ADARB2: variants seen among roughly 807,000 people sequenced by gnomAD.
The protein encoded by ADARB2 is adenosine deaminase RNA specific B2 (inactive).
In ADARB2, 25 loss-of-function variants were observed where a neutral mutation model predicts 62.2. The observed-to-expected ratio is 0.40, with a 90% confidence interval of 0.29 to 0.56. The LOEUF is 0.56. Among genes scored for constraint, ADARB2 ranks in the 20% least tolerant of loss-of-function variants. The pLI is 0.43. For synonymous variants in ADARB2, 572 were observed against 500.8 expected (o/e 1.14, Z -1.90); for missense variants, 1,071 against 1,077.4 (o/e 0.99, Z 0.08).
In ADARB2 at chr10:1,217,022, T is replaced by G; in HGVS notation, c.1611A>C (p.Ala537=). 1 of 1,611,980 alleles carries G rather than the reference T, an allele frequency of 6.2e-7. No individual in the cohort carries two copies. The highest frequency in any genetic ancestry group is 8.5e-7 in the Non-Finnish European group (1 of 1,179,688). Residue 537 remains alanine (A), a synonymous_variant, in exon 7 of 10, where the codon GCA becomes GCC. Coordinates refer to ENST00000381312, the MANE Select transcript of ADARB2 (RefSeq NM_018702.4). The stretch of plus-strand genomic sequence containing the variant: ...GCAGGACGCCGTCCCAGGTCTGCAC[T>G]GCGCTGGGGCCACGCACGGGGACCG... The part of the protein sequence containing the change: ...EGTVPVRGPS[A]VQTWDGVLLG...
At chr10:1,653,539 C>A (rs117389972) in intron 1 of ADARB2, among the ~76,000 whole-genome samples, 1 of 128,058 alleles carries the variant, frequency 7.8e-6, no homozygotes, top group East Asian at 2.2e-4. Context: ...CCAGACGCCT[C>A]GTGTGCCTGC....
At chr10:1,278,781 G>A (rs993244740) in intron 3 of ADARB2, among the ~76,000 whole-genome samples, 3 of 152,074 alleles carry the variant, frequency 2.0e-5, no homozygotes, top group African/African-American at 7.2e-5. Context: ...GTCGACTCAT[G>A]TTTTTTCCTG....
chr10:1,736,337 C>A (rs745899059), intron 1 of ADARB2, among the ~76,000 whole-genome samples: 6 of 152,216 alleles, frequency 3.9e-5, no homozygotes, highest in Non-Finnish European at 5.9e-5. Context: ...AACTTCAGCG[C>A]GGCCCAGCCC....
chr10:1,483,405 C>G (rs570305098), intron 1 of ADARB2, among the ~76,000 whole-genome samples: 2 of 152,208 alleles, frequency 1.3e-5, no homozygotes, highest in Admixed American at 1.3e-4. Context: ...GAATCCTGAA[C>G]GACAACTTTA....
intron 1 of ADARB2, among the ~76,000 whole-genome samples, chr10:1,715,798 C>A (rs1339793657): frequency 6.6e-6 from 1 of 152,250 alleles, no homozygotes; most frequent in East Asian, 1.9e-4. Flanking sequence ...TCCAGAGCTG[C>A]CTTGCAGCAC....
At position 1,363,826 on chromosome 10, in the gene ADARB2, C is replaced by A. The variant is rs201398511; in HGVS notation, c.279G>T (p.Ala93=). 94 of 1,571,948 alleles carry A rather than the reference C, an allele frequency of 6.0e-5. No homozygotes were observed. The Admixed American group carries it at 1.6e-3, about 27-fold the overall frequency. The stretch of plus-strand genomic sequence containing the variant: ...GCGGCCGCTTCCTCTTCGCGCCGGG[C>A]GCGCCGCCCCGGGCCCGGTCCCCGG... ...PPSGDRARGG[A]PGAKRKRPLE... Residue 93 remains alanine, a synonymous_variant, in exon 3 of 10, where the codon GCG becomes GCT. Coordinates refer to ENST00000381312, the MANE Select transcript of ADARB2 (RefSeq NM_018702.4).
chr10:1,202,143 A>G (rs911181378), intron 7 of ADARB2, among the ~76,000 whole-genome samples: 1 of 151,704 alleles, frequency 6.6e-6, no homozygotes, highest in Middle Eastern at 3.4e-3. Context: ...TGGTTTTGCC[A>G]TATTGCCCAG....
intron 1 of ADARB2, among the ~76,000 whole-genome samples, chr10:1,389,770 A>C (rs1832553736): frequency 1.3e-5 from 2 of 150,344 alleles, no homozygotes; most frequent in African/African-American, 2.4e-5. Context: ...TAAATAAATA[A>C]ATAAATAAAT....
intron 1 of ADARB2, among the ~76,000 whole-genome samples, chr10:1,462,775 A>G (rs112368242): frequency 7.7e-6 from 1 of 130,060 alleles, no homozygotes; most frequent in African/African-American, 2.6e-5. Flanking sequence ...GCATGTGTTT[A>G]TGTGTGCACG....
intron 1 of ADARB2, among the ~76,000 whole-genome samples, chr10:1,604,579 G>A (rs2132016882): frequency 6.6e-6 from 1 of 152,316 alleles, no homozygotes; most frequent in South Asian, 2.1e-4. Flanking sequence ...AAATACTGTA[G>A]CACAATTTAG....
intron 1 of ADARB2, among the ~76,000 whole-genome samples, chr10:1,588,956 AC>A (rs1368234138): frequency 6.6e-6 from 1 of 152,134 alleles, no homozygotes; most frequent in East Asian, 1.9e-4. Flanking sequence ...ACAGCACAGC[AC>A]CCTCATCCAC....
chr10:1,621,073 T>C (rs543838269), intron 1 of ADARB2, among the ~76,000 whole-genome samples: 5 of 152,282 alleles, frequency 3.3e-5, no homozygotes, highest in African/African-American at 9.6e-5. Flanking sequence ...CTTTCACACT[T>C]GAATTCAACA....
chr10:1,640,011 C>A (rs868287557), intron 1 of ADARB2, among the ~76,000 whole-genome samples: 1 of 152,086 alleles, frequency 6.6e-6, no homozygotes, highest in Non-Finnish European at 1.5e-5. Context: ...GGGGTGTTGG[C>A]GGGAAGATCT....
chr10:1,421,597 C>A (rs1289674960), intron 1 of ADARB2, among the ~76,000 whole-genome samples: 1 of 152,070 alleles, frequency 6.6e-6, no homozygotes, highest in African/African-American at 2.4e-5. Context: ...ACAAAGTGGA[C>A]AAAAATCCTG....
chr10:1,553,194 AT>A (rs1004835888), intron 1 of ADARB2, among the ~76,000 whole-genome samples: 1 of 152,250 alleles, frequency 6.6e-6, no homozygotes, highest in Non-Finnish European at 1.5e-5. Context: ...TACCAAAAAA[AT>A]GTCACTGTGC....
At chr10:1,590,619 T>C (rs1475920781) in intron 1 of ADARB2, among the ~76,000 whole-genome samples, 1 of 152,132 alleles carries the variant, frequency 6.6e-6, no homozygotes, top group Non-Finnish European at 1.5e-5. Context: ...GAAAAAACCA[T>C]GTGCTTTTGT....
chr10:1,600,763 T>C (rs1364748004), intron 1 of ADARB2, among the ~76,000 whole-genome samples: 2 of 149,500 alleles, frequency 1.3e-5, no homozygotes, highest in African/African-American at 2.5e-5. Flanking sequence ...TGATTTCCAC[T>C]CTCCCATTCT....
chr10:1,201,550 A>G (rs71491348), intron 7 of ADARB2, among the ~76,000 whole-genome samples: 1,571 of 151,450 alleles, frequency 0.01, 11 homozygotes, highest in Non-Finnish European at 0.015. Flanking sequence ...GTAGGATGAG[A>G]TGGAGGCCAC....
At chr10:1,395,240 G>T (rs764957979) in intron 1 of ADARB2, among the ~76,000 whole-genome samples, 3 of 152,120 alleles carry the variant, frequency 2.0e-5, no homozygotes, top group Non-Finnish European at 4.4e-5. Context: ...CAGAGCTCCG[G>T]CCCGACAGCT....
Sources: allele counts gnomAD v4.1 joint callset (sites outside exome capture counted in the v4.1 genomes callset), GRCh38; gene constraint gnomAD v4.1.1; transcripts MANE v1.5; gene names NCBI Gene and HGNC (gene_info 2026-07-23, HGNC 2026-07-21).